ATIC: variants seen among roughly 807,000 people sequenced by gnomAD.
ATIC encodes the protein 5-aminoimidazole-4-carboxamide ribonucleotide formyltransferase/IMP cyclohydrolase.
In ATIC, 64 loss-of-function variants were observed where a neutral mutation model predicts 72.5. The ratio of observed to expected loss-of-function variants is 0.88; its 90% CI spans 0.72 to 1.09. The LOEUF (loss-of-function observed/expected upper bound fraction) is 1.09, where lower values mean the gene tolerates loss of function less well. ATIC is among the 50% of genes least tolerant of loss of function. The pLI is 0.00. For synonymous variants in ATIC, 281 were observed against 267.1 expected (o/e 1.05, Z -0.51); for missense variants, 787 against 732.4 (o/e 1.07, Z -0.86).
At chr2:215,353,535 T>TA (rs2053145987), downstream of ATIC, among the ~76,000 whole-genome samples, 1 of 152,186 alleles carries the variant, frequency 6.6e-6, no homozygotes, top group South Asian at 2.1e-4. Flanking sequence ...TCTGAGATCT[T>TA]ACATGTCTAA....
chr2:215,313,910 C>T (rs965419842), intron 2 of ATIC, among the ~76,000 whole-genome samples: 11 of 152,176 alleles, frequency 7.2e-5, no homozygotes, highest in Admixed American at 6.5e-4. Flanking sequence ...AAGTCCAGAC[C>T]TGCGTGCTTT....
At chr2:215,317,410 C>T (rs1252047001) in intron 2 of ATIC, among the ~76,000 whole-genome samples, 6 of 152,114 alleles carry the variant, frequency 3.9e-5, no homozygotes, top group South Asian at 2.1e-4. Context: ...GGGTTTAACC[C>T]GTTATTCCAA....
intron 4 of ATIC, among the ~76,000 whole-genome samples, chr2:215,323,093 C>G (rs559109153): frequency 6.6e-6 from 1 of 152,078 alleles, no homozygotes; most frequent in African/African-American, 2.4e-5. Context: ...TATAGGCGCC[C>G]GCTACCATGC....
chr2:215,332,175 T>TGTGTGTGTGTG (rs2052902508), intron 7 of ATIC, among the ~76,000 whole-genome samples: 1 of 146,458 alleles, frequency 6.8e-6, no homozygotes, highest in African/African-American at 2.5e-5. Flanking sequence ...TGTGTGTGTG[T>TGTGTGTGTGTG]TCATGTACAT....
rs760245643 is a variant in ATIC at position 215,312,167 on chromosome 2, G to A, written c.19+6G>A. The A allele has an allele frequency of 1.3e-6, 2 of 1,507,836 alleles. No homozygotes were observed. The highest frequency in any genetic ancestry group is 1.2e-5 in the South Asian group (1 of 80,712). The allele number at this position is 1,507,836 out of a possible 1,614,324, so 93.4% of individuals were successfully genotyped here. ...CATGGCTCCCGGCCAGCTCGGTGAG[G>A]CCCTAGCGGAGCGGCGCGGTCTGCG... On this transcript the variant is annotated splice_donor_region_variant and intron_variant, in intron 1 of 15. Transcript: ENST00000236959.
chr2:215,328,144 G>T (rs2052850200), intron 7 of ATIC, among the ~76,000 whole-genome samples: 1 of 151,946 alleles, frequency 6.6e-6, no homozygotes. Flanking sequence ...AGAGTGCTGG[G>T]ATTACAGGCG....
chr2:215,334,911 A>C lies in ATIC; in HGVS notation c.923-8A>C. On this transcript the variant is annotated splice_polypyrimidine_tract_variant and splice_region_variant and intron_variant, in intron 9 of 15. Coordinates refer to ENST00000236959, the MANE Select transcript of ATIC (RefSeq NM_004044.7). ...GTGATAAATACCTCATTTTAATTTTATTTACAGGGGCTGATAGGATGTCTT... is the reference window on the plus strand; with the variant it reads ...GTGATAAATACCTCATTTTAATTTTCTTTACAGGGGCTGATAGGATGTCTT... 6.2e-7 allele frequency: 1 copy of C among 1,611,300 alleles called. No homozygotes were observed. The highest frequency in any genetic ancestry group is 8.5e-7 in the Non-Finnish European group (1 of 1,177,900).
At chr2:215,361,869 T>C in the ATIC span, 1 of 1,479,818 alleles carries the variant, frequency 6.8e-7, no homozygotes, top group Admixed American at 2.3e-5. Context: ...TTGTTTTTTT[T>C]TTTAATTAAT....
intron 2 of ATIC, among the ~76,000 whole-genome samples, chr2:215,316,565 A>T (rs2052712066): frequency 1.3e-5 from 2 of 152,198 alleles, no homozygotes; most frequent in Non-Finnish European, 2.9e-5. Context: ...ACATAGTGAG[A>T]TCCCATCTCA....
chr2:215,347,311 G>C (rs1019045497), intron 14 of ATIC: 2 of 377,988 alleles, frequency 5.3e-6, no homozygotes, highest in African/African-American at 4.2e-5. Flanking sequence ...CGATGGGTCT[G>C]TATTCAACAT....
At chr2:215,344,013 A>G (rs2053046528) in intron 12 of ATIC, among the ~76,000 whole-genome samples, 2 of 152,202 alleles carry the variant, frequency 1.3e-5, no homozygotes, top group South Asian at 2.1e-4. Context: ...AAATGATCGT[A>G]ATTTGATTTT....
At chr2:215,357,263 A>G in the ATIC span, among the ~76,000 whole-genome samples, 3 of 152,184 alleles carry the variant, frequency 2.0e-5, no homozygotes, top group Admixed American at 6.5e-5. Context: ...AAAGGGCCCA[A>G]TGGGAGACTC....
intron 15 of ATIC, 71 bp from the exon 16 acceptor site, chr2:215,349,465 T>C: frequency 6.2e-7 from 1 of 1,610,964 alleles, no homozygotes; most frequent in South Asian, 1.1e-5. Flanking sequence ...ATATGCTTTT[T>C]AGAGGGGGAT....
At chr2:215,363,303 C>G in the ATIC span, 1 of 152,164 alleles carries the variant, frequency 6.6e-6, no homozygotes, top group East Asian at 1.9e-4. Context: ...CAAATTCATT[C>G]TCCATCACAC....
At chr2:215,320,459 G>A (rs2052754668) in intron 4 of ATIC, among the ~76,000 whole-genome samples, 1 of 152,182 alleles carries the variant, frequency 6.6e-6, no homozygotes, top group Non-Finnish European at 1.5e-5. Flanking sequence ...GAGGGCCTCA[G>A]GAAGTTTATA....
At chr2:215,358,546 C>T in the ATIC span, among the ~76,000 whole-genome samples, 4 of 152,060 alleles carry the variant, frequency 2.6e-5, no homozygotes, top group African/African-American at 7.2e-5. Flanking sequence ...CAAAGTAAGA[C>T]ACATTAGATT....
At chr2:215,322,912 T>C (rs563197173) in intron 4 of ATIC, among the ~76,000 whole-genome samples, 3 of 152,010 alleles carry the variant, frequency 2.0e-5, no homozygotes, top group Non-Finnish European at 4.4e-5. Flanking sequence ...GTCCTCCAAC[T>C]TCATTTTTCT....
chr2:215,343,863 A>G (rs1271491372), intron 12 of ATIC, among the ~76,000 whole-genome samples: 2 of 152,188 alleles, frequency 1.3e-5, no homozygotes, highest in Non-Finnish European at 2.9e-5. Flanking sequence ...GTGGACTATC[A>G]TCCTTCTTTT....
chr2:215,333,299 A>G lies in ATIC; in HGVS notation c.815-51A>G, dbSNP rs371182050. 16 of 1,483,458 alleles carry G rather than the reference A, an allele frequency of 1.1e-5. No homozygotes were observed. In the East Asian group the frequency reaches 3.4e-4, roughly 31 times the overall value. 91.9% of individuals were successfully genotyped at this position (1,483,458 alleles called of 1,614,324 possible). On this transcript the variant is annotated intron_variant, in intron 8 of 15. Transcript: ENST00000236959. ...AAACTGTCTTGATTTAGGAGTTGAC[A>G]GGTAGTAACTTTAGCTTTCTTTGTT...
Sources: gnomAD v4.1 joint callset for allele counts (sites outside exome capture counted in the v4.1 genomes callset) on GRCh38, gnomAD v4.1.1 for gene constraint, MANE v1.5 for transcripts, NCBI Gene and HGNC (gene_info 2026-07-23, HGNC 2026-07-21) for gene names.